The following MMP26 variants were observed in gnomAD, a reference collection of about 807,000 sequenced individuals.
MMP26 encodes the protein matrix metallopeptidase 26.
A neutral mutation model predicts 31.0 loss-of-function variants in MMP26; 33 were observed. The ratio of observed to expected loss-of-function variants is 1.06; its 90% CI spans 0.81 to 1.42. The LOEUF (loss-of-function observed/expected upper bound fraction) is 1.42. Among genes scored for constraint, MMP26 ranks in the 40% most tolerant of loss-of-function variants. The pLI, the probability that MMP26 is intolerant of heterozygous loss-of-function variation, is 0.00. For synonymous variants in MMP26, 122 were observed against 114.9 expected (o/e 1.06, Z -0.40); for missense variants, 347 against 316.1 (o/e 1.10, Z -0.74).
chr11:4,835,132 T>G (rs1849699213), intron 2 of MMP26, among the ~76,000 whole-genome samples: 1 of 151,774 alleles, frequency 6.6e-6, no homozygotes, highest in African/African-American at 2.4e-5. Flanking sequence ...TCTAAACATT[T>G]GAACTTATGA....
At chr11:4,779,358 A>G (rs4579923) in intron 2 of MMP26, among the ~76,000 whole-genome samples, 1 of 152,008 alleles carries the variant, frequency 6.6e-6, no homozygotes, top group Non-Finnish European at 1.5e-5. Context: ...GATACGTTGC[A>G]CGATTTTTAA....
rs1408860596 is a variant in MMP26 at position 4,989,855 on chromosome 11, A to T, written c.307A>T (p.Thr103Ser). 5.0e-6 allele frequency: 8 copies of T among 1,607,740 alleles called. No individual in the cohort carries two copies. The highest frequency in any genetic ancestry group is 5.9e-6 in the Non-Finnish European group (7 of 1,179,670). Residue 103 changes from threonine (T) to serine (S), a missense_variant, in exon 4 of 8, where the codon ACT (threonine) becomes TCT (serine). Transcript: ENST00000380390. ...SPGRCKWNKHTLTYRIINYPH... is the reference protein window; with the variant it reads ...SPGRCKWNKHSLTYRIINYPH... ...AGGAAGATGCAAGTGGAATAAGCACACTCTAACTTACAGGTGCTTGTTACT... is the reference window on the plus strand; with the variant it reads ...AGGAAGATGCAAGTGGAATAAGCACTCTCTAACTTACAGGTGCTTGTTACT...
chr11:4,831,653 T>A (rs1849647666), intron 2 of MMP26, among the ~76,000 whole-genome samples: 1 of 152,214 alleles, frequency 6.6e-6, no homozygotes, highest in African/African-American at 2.4e-5. Flanking sequence ...TTTTCACAGA[T>A]GTGTACCAAG....
At chr11:4,733,706 A>G (rs932318240) in intron 1 of MMP26, among the ~76,000 whole-genome samples, 20 of 152,170 alleles carry the variant, frequency 1.3e-4, no homozygotes, top group African/African-American at 4.6e-4. Context: ...TAGAACCTCC[A>G]GGGCAATGTT....
intron 1 of MMP26, chr11:4,724,289 C>A: frequency 2.8e-6 from 1 of 357,256 alleles, no homozygotes; most frequent in East Asian, 4.2e-5. Context: ...CCAGGAAAAG[C>A]AGGATTTTCT....
rs112673945 is a variant in MMP26 at position 4,905,347 on chromosome 11, G to A, written c.-144-82721G>A. 6.4e-3 allele frequency among the ~76,000 whole-genome samples: 973 copies of A among 152,232 alleles called. 4 individuals are homozygous for A. The highest frequency in any genetic ancestry group is 0.011 in the Admixed American group (171 of 15,282). On this transcript the variant is annotated intron_variant, in intron 2 of 7. Coordinates refer to ENST00000380390, the MANE Select transcript of MMP26 (RefSeq NM_021801.5). ...GAAGATGCAGAGCTATTCACAAGTT[G>A]CCAAAATGTCTCTTAGTACCTAGCA...
intron 2 of MMP26, among the ~76,000 whole-genome samples, chr11:4,856,366 G>C (rs1850053259): frequency 6.6e-6 from 1 of 152,170 alleles, no homozygotes; most frequent in Non-Finnish European, 1.5e-5. Flanking sequence ...AAAATAAAGG[G>C]ATGGAGGAAG....
At chr11:4,797,905 C>T (rs28397947) in intron 2 of MMP26, among the ~76,000 whole-genome samples, 23,193 of 152,142 alleles carry the variant, frequency 0.15, 1,880 homozygotes, top group Middle Eastern at 0.21. Context: ...TTCCCATTCT[C>T]TGCCACTATT....
intron 1 of MMP26, among the ~76,000 whole-genome samples, chr11:4,707,679 T>C (rs1386454336): frequency 1.3e-5 from 2 of 152,212 alleles, no homozygotes; most frequent in African/African-American, 2.4e-5. Context: ...TTGAAATATG[T>C]TTTTATGATT....
intron 1 of MMP26, among the ~76,000 whole-genome samples, chr11:4,758,482 A>C (rs1848532538): frequency 6.7e-6 from 1 of 149,564 alleles, no homozygotes. Context: ...AAAAAAAAAA[A>C]AAAAACTAAA....
At chr11:4,747,594 A>G (rs1848397471) in intron 1 of MMP26, among the ~76,000 whole-genome samples, 1 of 152,104 alleles carries the variant, frequency 6.6e-6, no homozygotes, top group African/African-American at 2.4e-5. Flanking sequence ...TTTGTATATT[A>G]ATATTTCATT....
rs544542912 is a variant in MMP26 at position 4,982,004 on chromosome 11, T to C, written c.-144-6064T>C. 6.1e-4 allele frequency among the ~76,000 whole-genome samples: 93 copies of C among 151,986 alleles called. 1 individual carries two copies. Among genetic ancestry groups the C allele is most frequent in the African/African-American group, 2.2e-3 (91 of 41,480 alleles). ...ATAACAACAATTCCTTCTTCTGAAA[T>C]ACCTCCTGACTGACCTGCCTGAAGT... On this transcript the variant is annotated intron_variant, in intron 2 of 7. Coordinates refer to ENST00000380390, the MANE Select transcript of MMP26 (RefSeq NM_021801.5).
At chr11:4,934,678 A>G (rs1294960779) in intron 2 of MMP26, among the ~76,000 whole-genome samples, 3 of 145,140 alleles carry the variant, frequency 2.1e-5, no homozygotes, top group Non-Finnish European at 4.6e-5. Context: ...GGTAATGCCT[A>G]GGTTTTCTTC....
chr11:4,861,062 T>C (rs1413757926), intron 2 of MMP26, among the ~76,000 whole-genome samples: 1 of 143,968 alleles, frequency 6.9e-6, no homozygotes, highest in Non-Finnish European at 1.5e-5. Flanking sequence ...AAGGGTATTA[T>C]ATATATATAT....
intron 2 of MMP26, among the ~76,000 whole-genome samples, chr11:4,812,092 A>G (rs1290656115): frequency 6.6e-6 from 1 of 152,172 alleles, no homozygotes; most frequent in Non-Finnish European, 1.5e-5. Context: ...CCAATCTGCA[A>G]TTGCAGGGTT....
At chr11:4,937,034 A>G (rs542825811) in intron 2 of MMP26, among the ~76,000 whole-genome samples, 5 of 152,306 alleles carry the variant, frequency 3.3e-5, no homozygotes, top group Admixed American at 1.3e-4. Flanking sequence ...AAGCAGGAGA[A>G]TACTTTTTTA....
intron 2 of MMP26, among the ~76,000 whole-genome samples, chr11:4,934,457 T>A (rs1292894700): frequency 1.0e-5 from 1 of 99,648 alleles, no homozygotes; most frequent in Non-Finnish European, 2.0e-5. Context: ...TTGAGTTCAT[T>A]GTAGATTCTG....
intron 2 of MMP26, among the ~76,000 whole-genome samples, chr11:4,801,509 TTTATTTATTTA>T (rs1849181442): frequency 7.8e-3 from 1 of 128 alleles, no homozygotes; most frequent in Non-Finnish European, 0.021. Context: ...GGACTTTTTA[TTTATTTATTTA>T]TTTATTTATT....
chr11:4,924,491 CTATT>C, intron 2 of MMP26: 2 of 749,446 alleles, frequency 2.7e-6, no homozygotes, highest in Non-Finnish European at 4.3e-6. Flanking sequence ...GGGGGCTGAT[CTATT>C]AGCCTTTTCT....
Sources: gnomAD v4.1 joint callset for allele counts (sites outside exome capture counted in the v4.1 genomes callset) on GRCh38, gnomAD v4.1.1 for gene constraint, MANE v1.5 for transcripts, NCBI Gene and HGNC (gene_info 2026-07-23, HGNC 2026-07-21) for gene names.